Variants in TDRD12 observed in about 807,000 individuals in gnomAD.
TDRD12 encodes the protein tudor domain containing 12.
A neutral mutation model predicts 133.5 loss-of-function variants in TDRD12; 158 were observed. The ratio of observed to expected loss-of-function variants is 1.18; its 90% CI spans 1.04 to 1.35. The LOEUF (loss-of-function observed/expected upper bound fraction) is 1.35, where lower values mean the gene tolerates loss of function less well. Among genes scored for constraint, TDRD12 ranks in the 40% most tolerant of loss-of-function variants. The probability of loss-of-function intolerance (pLI) is 0.00; values close to 1 mark genes in which losing one functional copy is unlikely to be tolerated. For synonymous variants in TDRD12, 460 were observed against 477.9 expected, an observed-to-expected ratio of 0.96 and a Z score of 0.49; for missense variants, 1,443 against 1,321.3, an observed-to-expected ratio of 1.09 and a Z score of -1.43.
chr19:32,748,629 C>A, intron 5 of TDRD12, 98 bp downstream of exon 5: 4 of 1,250,780 alleles, frequency 3.2e-6, no homozygotes, highest in Non-Finnish European at 4.4e-6. Flanking sequence ...CCCTGTTGGC[C>A]AAACGGCCCT....
intron 10 of TDRD12, among the ~76,000 whole-genome samples, chr19:32,776,207 C>T (rs1970579939): frequency 6.6e-6 from 1 of 152,208 alleles, no homozygotes; most frequent in Non-Finnish European, 1.5e-5. Flanking sequence ...CTCTTGGAGA[C>T]ATTGGTGTGC....
At chr19:32,737,421 T>G (rs979014827) in intron 2 of TDRD12, among the ~76,000 whole-genome samples, 1 of 152,118 alleles carries the variant, frequency 6.6e-6, no homozygotes, top group Non-Finnish European at 1.5e-5. Flanking sequence ...GTCAGGCTGC[T>G]CTTGAACTCC....
chr19:32,747,722 G>A (rs1385184725), intron 4 of TDRD12, among the ~76,000 whole-genome samples: 1 of 152,128 alleles, frequency 6.6e-6, no homozygotes, highest in Non-Finnish European at 1.5e-5. Context: ...TTTTATAGTA[G>A]CCGAGACCCA....
At chr19:32,793,115 G>A (rs1971118289) in intron 13 of TDRD12, among the ~76,000 whole-genome samples, 1 of 152,068 alleles carries the variant, frequency 6.6e-6, no homozygotes, top group Admixed American at 6.6e-5. Context: ...GAACCTGGGA[G>A]GCGGAGGTTG....
intron 24 of TDRD12, 130 bp downstream of exon 24, chr19:32,811,550 C>A: frequency 2.3e-6 from 2 of 856,044 alleles, no homozygotes; most frequent in Non-Finnish European, 3.7e-6. Context: ...CTGCTTAGAT[C>A]CCCACGGTGT....
rs1215309909 is a variant in TDRD12 at position 32,777,847 on chromosome 19, ATATATATATATTTTTTTTTTTTTTTT to A, written c.1121+620_1121+645del. 3.4e-4 allele frequency among the ~76,000 whole-genome samples: 5 copies of A among 14,518 alleles called. No homozygotes were observed. In the East Asian group the frequency reaches 6.0e-3, roughly 17 times the overall value. The allele number at this position is 14,518 out of a possible 152,430, so 9.5% of individuals were successfully genotyped here. ...TATATATATATATATATATATATAT[ATATATATATATTTTTTTTTTTTTTTT>A]TTTTTTTTTTTTTTTTTTGTAGGAC... On this transcript the variant is annotated intron_variant, in intron 11 of 27. Coordinates refer to ENST00000444215, the Ensembl canonical transcript of TDRD12.
chr19:32,734,346 TCTC>T (rs1969158147), intron 2 of TDRD12, among the ~76,000 whole-genome samples: 1 of 151,634 alleles, frequency 6.6e-6, no homozygotes, highest in South Asian at 2.1e-4. Flanking sequence ...TTTGTTTTTC[TCTC>T]CTCCTCCTCC....
intron 1 of TDRD12, among the ~76,000 whole-genome samples, chr19:32,722,038 C>G (rs1568440662): frequency 6.6e-6 from 1 of 152,090 alleles, no homozygotes; most frequent in Non-Finnish European, 1.5e-5. Context: ...AAAACCAGCA[C>G]TCTCCTGCTC....
chr19:32,720,234 C>G (rs1968586895), intron 1 of TDRD12, 138 bp downstream of exon 1: 6 of 820,380 alleles, frequency 7.3e-6, no homozygotes, highest in Non-Finnish European at 9.4e-6. Flanking sequence ...CCTCCCACCC[C>G]CGACCCCAAC....
At chr19:32,741,512 G>A (rs894407138) in intron 3 of TDRD12, among the ~76,000 whole-genome samples, 3 of 152,262 alleles carry the variant, frequency 2.0e-5, no homozygotes, top group Non-Finnish European at 4.4e-5. Flanking sequence ...CGTAATCGCT[G>A]CAAAAACAAT....
At chr19:32,732,418 T>G (rs545224797) in intron 2 of TDRD12, among the ~76,000 whole-genome samples, 2 of 152,294 alleles carry the variant, frequency 1.3e-5, no homozygotes, top group Admixed American at 1.3e-4. Context: ...ACCCAGGCAT[T>G]AGGGCCATCC....
intron 8 of TDRD12, among the ~76,000 whole-genome samples, chr19:32,762,167 A>G (rs567030021): frequency 1.1e-4 from 17 of 152,232 alleles, no homozygotes; most frequent in African/African-American, 4.1e-4. Flanking sequence ...AATATCTTTC[A>G]CAGAGCAGAA....
At chr19:32,795,790 ACT>A (rs1251941945) in intron 14 of TDRD12, among the ~76,000 whole-genome samples, 3 of 152,192 alleles carry the variant, frequency 2.0e-5, no homozygotes, top group Non-Finnish European at 4.4e-5. Context: ...GCCTCAGGAA[ACT>A]CACAATCATT....
chr19:32,739,395 C>G (rs1372364624), intron 3 of TDRD12, among the ~76,000 whole-genome samples: 2 of 146,616 alleles, frequency 1.4e-5, no homozygotes, highest in Non-Finnish European at 3.0e-5. Flanking sequence ...TGGCTGCTCT[C>G]TGCATCTCCT....
exon 10 of TDRD12, chr19:32,828,394 G>GC (rs1167729682): frequency 6.6e-6 from 1 of 152,154 alleles, no homozygotes; most frequent in East Asian, 1.9e-4. Context: ...GCACTGGGGG[G>GC]GGTCACCAGG....
exon 20 of TDRD12, chr19:32,802,747 T>G (rs1971436640): frequency 6.5e-7 from 1 of 1,536,568 alleles, no homozygotes; most frequent in Admixed American, 2.0e-5. Context: ...AAGTTTTTGG[T>G]GGACGCCTGT....
rs1207981111 is a variant in TDRD12 at position 32,798,441 on chromosome 19, C to T, written c.1758+6C>T. On this transcript the variant is annotated splice_donor_region_variant and intron_variant, in intron 16 of 27. Transcript: ENST00000444215. Reference sequence around the variant, plus strand: ...TCTTGGAAGCCAATGAACAGGTGAGCGTGGCTTAAGGTCCTCAGCACTCAG... The same window carrying T: ...TCTTGGAAGCCAATGAACAGGTGAGTGTGGCTTAAGGTCCTCAGCACTCAG... The T allele has an allele frequency of 2.0e-5, 30 of 1,531,100 alleles. No individual in the cohort carries two copies. Among genetic ancestry groups the T allele is most frequent in the East Asian group, 1.2e-4 (5 of 40,744 alleles). The allele number at this position is 1,531,100 out of a possible 1,614,324, so 94.8% of individuals were successfully genotyped here.
chr19:32,818,665 G>T (rs1967271232), intron 27 of TDRD12, among the ~76,000 whole-genome samples: 1 of 152,192 alleles, frequency 6.6e-6, no homozygotes, highest in Non-Finnish European at 1.5e-5. Flanking sequence ...GGGCCTGGGA[G>T]CCCCAGAGGT....
At chr19:32,756,168 T>C in exon 7 of TDRD12, 1 of 1,426,884 alleles carries the variant, frequency 7.0e-7, no homozygotes, top group Non-Finnish European at 9.1e-7. Flanking sequence ...GAAAAGATGT[T>C]CAAGGAATGG....
Sources: allele counts gnomAD v4.1 joint callset (sites outside exome capture counted in the v4.1 genomes callset), GRCh38; gene constraint gnomAD v4.1.1; transcripts MANE v1.5; gene names NCBI Gene and HGNC (gene_info 2026-07-23, HGNC 2026-07-21).